TMEM232: variants seen among roughly 807,000 people sequenced by gnomAD.
TMEM232 encodes transmembrane protein 232.
A neutral mutation model predicts 78.8 loss-of-function variants in TMEM232; 80 were observed. That is an observed-to-expected ratio of 1.01 (90% CI 0.85 to 1.22). TMEM232 has a LOEUF of 1.22. Among genes scored for constraint, TMEM232 ranks in the 50% most tolerant of loss-of-function variants. TMEM232 has a pLI of 0.00. For synonymous variants in TMEM232, 297 were observed against 254.3 expected (o/e 1.17, Z -1.60); for missense variants, 881 against 742.2 (o/e 1.19, Z -2.17).
Position 110,625,392 on chromosome 5 carries a change from T to C in TMEM232, c.643A>G (p.Ile215Val), listed in dbSNP as rs1458104956. 3.2e-6 allele frequency: 5 copies of C among 1,545,608 alleles called. No homozygotes were observed. The East Asian group carries it at 9.8e-5, about 30-fold the overall frequency. ...AGGATGAATTGCACATTTGAAAAGATGTTTGGATACTTGTGATATGATGCT... is the reference window on the plus strand; with the variant it reads ...AGGATGAATTGCACATTTGAAAAGACGTTTGGATACTTGTGATATGATGCT... Reference protein sequence around the residue: ...SGASYHKYPNIFSNVQFILKA... With the variant: ...SGASYHKYPNVFSNVQFILKA... The change falls in exon 7 of 14, where the codon ATC becomes GTC. Residue 215 changes from isoleucine (I) to valine (V), a missense_variant. Coordinates refer to ENST00000455884, the MANE Select transcript of TMEM232 (RefSeq NM_001039763.4).
At chr5:110,398,592 A>G (rs959959173) in intron 2 of TMEM232, among the ~76,000 whole-genome samples, 2 of 152,138 alleles carry the variant, frequency 1.3e-5, no homozygotes, top group African/African-American at 4.8e-5. Context: ...TACTTTGATT[A>G]TGTGCTATAT....
At chr5:110,546,269 A>T (rs1773769218) in intron 11 of TMEM232, among the ~76,000 whole-genome samples, 1 of 152,090 alleles carries the variant, frequency 6.6e-6, no homozygotes, top group South Asian at 2.1e-4. Context: ...GAGAGTAGAT[A>T]ATTTAGTTAG....
chr5:110,415,172 A>G (rs1031184643), downstream of TMEM232, among the ~76,000 whole-genome samples: 2 of 130,186 alleles, frequency 1.5e-5, no homozygotes, highest in African/African-American at 8.2e-5. Flanking sequence ...GCACCCTTAA[A>G]TCTATCTTTC....
intron 12 of TMEM232, among the ~76,000 whole-genome samples, chr5:110,451,673 C>A (rs1215109178): frequency 6.6e-6 from 1 of 152,048 alleles, no homozygotes; most frequent in Non-Finnish European, 1.5e-5. Context: ...AACTTAGGTG[C>A]CTTGCTATCA....
rs146128189 is a variant in TMEM232, at chr5:110,478,878, T to A, written c.1703+49710A>T. Among the ~76,000 whole-genome samples the A allele has an allele frequency of 9.6e-3, 1,449 of 150,648 alleles. 32 individuals carry two copies. The highest frequency in any genetic ancestry group is 0.033 in the African/African-American group (1,354 of 40,980). On this transcript the variant is annotated intron_variant, in intron 12 of 13. Coordinates refer to ENST00000455884, the MANE Select transcript of TMEM232 (RefSeq NM_001039763.4). ...GAGAGAAGTAGAAGTGTTTTGATTA[T>A]GAGCAGATGGAGAAATTGATTTTTT...
At chr5:110,391,328 A>G (rs145373696) in intron 3 of TMEM232, among the ~76,000 whole-genome samples, 1 of 46,722 alleles carries the variant, frequency 2.1e-5, no homozygotes, top group East Asian at 1.0e-3. Flanking sequence ...TGTGTGTGTG[A>G]GAGAGAGAGA....
At chr5:110,640,790 T>C in intron 4 of TMEM232, 101 bp downstream of exon 4, 1 of 718,524 alleles carries the variant, frequency 1.4e-6, no homozygotes, top group South Asian at 4.0e-5. Context: ...AAAAATTTCT[T>C]GTCTTCTGCA....
chr5:110,583,966 CAA>C (rs60079206), intron 10 of TMEM232, among the ~76,000 whole-genome samples: 49 of 99,030 alleles, frequency 4.9e-4, no homozygotes, highest in African/African-American at 8.6e-4. Context: ...TATCTATTAT[CAA>C]AAAAAAAAAA....
chr5:110,493,382 G>GAA (rs530425968), intron 12 of TMEM232, among the ~76,000 whole-genome samples: 5,853 of 119,236 alleles, frequency 0.049, 383 homozygotes, highest in African/African-American at 0.16. Context: ...CCAAGACATT[G>GAA]AAAAAAAAAA....
intron 12 of TMEM232, among the ~76,000 whole-genome samples, chr5:110,450,410 C>A (rs1210380754): frequency 6.6e-6 from 1 of 152,070 alleles, no homozygotes; most frequent in Non-Finnish European, 1.5e-5. Flanking sequence ...CAGGTTTCAT[C>A]TCTCTCACCT....
intron 1 of TMEM232, among the ~76,000 whole-genome samples, chr5:110,688,608 C>T (rs1002181825): frequency 1.3e-5 from 2 of 152,102 alleles, no homozygotes; most frequent in Non-Finnish European, 2.9e-5. Flanking sequence ...AGAGGTATGA[C>T]AAACCAAAGG....
chr5:110,391,663 A>C (rs1283875466), intron 3 of TMEM232, among the ~76,000 whole-genome samples: 1 of 152,170 alleles, frequency 6.6e-6, no homozygotes, highest in Non-Finnish European at 1.5e-5. Context: ...ATATTTAAGA[A>C]TATTGTACAT....
downstream of TMEM232, among the ~76,000 whole-genome samples, chr5:110,414,749 G>A (rs1397917655): frequency 6.6e-6 from 1 of 152,078 alleles, no homozygotes; most frequent in African/African-American, 2.4e-5. Flanking sequence ...TTCCAATACG[G>A]CATTTAGATT....
chr5:110,414,726 C>T (rs1353075668), downstream of TMEM232, among the ~76,000 whole-genome samples: 3 of 151,984 alleles, frequency 2.0e-5, no homozygotes, highest in East Asian at 1.9e-4. Context: ...ATTCCTTTTC[C>T]CTCCATTCTC....
At chr5:110,659,465 T>C (rs773161708) in intron 2 of TMEM232, among the ~76,000 whole-genome samples, 2 of 152,122 alleles carry the variant, frequency 1.3e-5, no homozygotes, top group Non-Finnish European at 2.9e-5. Flanking sequence ...TACAGGTGCC[T>C]GGGAGAGAAG....
At chr5:110,414,451 A>C (rs762260805) in intron 2 of TMEM232, among the ~76,000 whole-genome samples, 2 of 152,178 alleles carry the variant, frequency 1.3e-5, no homozygotes, top group Non-Finnish European at 2.9e-5. Flanking sequence ...ATCTCTATCT[A>C]TATGGTGAAA....
At chr5:110,666,137 T>C (rs139388396) in intron 2 of TMEM232, among the ~76,000 whole-genome samples, 1,786 of 152,164 alleles carry the variant, frequency 0.012, 45 homozygotes, top group African/African-American at 0.04. Flanking sequence ...AAGAAAACAA[T>C]TGCACTTTGT....
chr5:110,482,823 T>C (rs1237168272), intron 12 of TMEM232, among the ~76,000 whole-genome samples: 1 of 151,786 alleles, frequency 6.6e-6, no homozygotes, highest in African/African-American at 2.4e-5. Context: ...AAAAAGTTTA[T>C]CAACCAAGAA....
intron 12 of TMEM232, among the ~76,000 whole-genome samples, chr5:110,470,560 C>T (rs751383213): frequency 3.5e-4 from 53 of 152,198 alleles, no homozygotes; most frequent in Non-Finnish European, 6.2e-4. Flanking sequence ...AATAAGAGGA[C>T]GATATAAACT....
Sources: allele counts gnomAD v4.1 joint callset (sites outside exome capture counted in the v4.1 genomes callset), GRCh38; gene constraint gnomAD v4.1.1; transcripts MANE v1.5; gene names NCBI Gene and HGNC (gene_info 2026-07-23, HGNC 2026-07-21).